GMNN: variants seen among roughly 807,000 people sequenced by gnomAD.
The protein encoded by GMNN is geminin DNA replication inhibitor, also known as geminin.
A neutral mutation model predicts 20.9 loss-of-function variants in GMNN; 14 were observed. That is an observed-to-expected ratio of 0.67 (90% CI 0.44 to 1.05). The LOEUF is 1.05. GMNN is among the 50% of genes least tolerant of loss of function. The probability of loss-of-function intolerance (pLI) is 0.00; values close to 1 mark genes in which losing one functional copy is unlikely to be tolerated. For missense variants in GMNN, 227 were observed against 243.8 expected (o/e 0.93, Z 0.46); for synonymous variants, 81 against 85.8 (o/e 0.94, Z 0.31).
At chr6:24,778,364 G>T (rs1222018190) in intron 2 of GMNN, among the ~76,000 whole-genome samples, 5 of 152,110 alleles carry the variant, frequency 3.3e-5, no homozygotes, top group Admixed American at 1.3e-4. Flanking sequence ...AGCTGGGTGT[G>T]GTGGCACCCA....
intron 2 of GMNN, among the ~76,000 whole-genome samples, chr6:24,778,415 A>G (rs1780129333): frequency 6.6e-6 from 1 of 152,202 alleles, no homozygotes. Context: ...TGTGGGAGGA[A>G]TTGCTTGAGC....
intron 4 of GMNN, among the ~76,000 whole-genome samples, chr6:24,782,366 G>T: frequency 6.6e-6 from 1 of 152,124 alleles, no homozygotes; most frequent in East Asian, 1.9e-4. Flanking sequence ...AGAAGAAGAA[G>T]CAACTGATGT....
chr6:24,784,683 T>G lies in GMNN; in HGVS notation c.468+129T>G, dbSNP rs985544974. Reference sequence around the variant, plus strand: ...TTCCTGGATTTAAGACTTAACTTCCTTCCTAACACCATTAAGTTTGCTGGG... The same window carrying G: ...TTCCTGGATTTAAGACTTAACTTCCGTCCTAACACCATTAAGTTTGCTGGG... On this transcript the variant is annotated intron_variant, in intron 6 of 6. Coordinates refer to ENST00000230056, the MANE Select transcript of GMNN (RefSeq NM_015895.5). 9.9e-5 allele frequency: 49 copies of G among 497,146 alleles called. No individual in the cohort carries two copies. The East Asian group carries it at 1.6e-3, about 16-fold the overall frequency. 30.8% of individuals were successfully genotyped at this position (497,146 alleles called of 1,614,324 possible).
At chr6:24,781,328 GAATTTTT>G in intron 3 of GMNN, 142 bp from the exon 4 acceptor site, 3 of 439,036 alleles carry the variant, frequency 6.8e-6, no homozygotes, top group Non-Finnish European at 1.2e-5. Flanking sequence ...TGTTTTGGTA[GAATTTTT>G]AATTGTATAA....
Position 24,784,521 on chromosome 6 carries a change from A to C in GMNN, c.435A>C (p.Ala145=). The C allele has an allele frequency of 6.5e-7, 1 of 1,547,046 alleles. No homozygotes were observed. Among genetic ancestry groups the C allele is most frequent in the Non-Finnish European group, 8.9e-7 (1 of 1,119,088 alleles). ...KKENKELAEV[A]EHVQYMAELI... is the part of the protein sequence containing the mutation. The stretch of plus-strand genomic sequence containing the variant: ...AGAATAAAGAACTGGCAGAAGTAGC[A>C]GAACATGTACAGTATATGGCAGAGC... Residue 145 remains alanine, a synonymous_variant, in exon 6 of 7, where the codon GCA becomes GCC. Transcript: ENST00000230056.
intron 2 of GMNN, among the ~76,000 whole-genome samples, chr6:24,779,359 TC>T (rs1237960765): frequency 2.6e-5 from 4 of 152,170 alleles, no homozygotes; most frequent in Non-Finnish European, 4.4e-5. Context: ...TTGGAAATGG[TC>T]TTTTTTTTTG....
chr6:24,777,380 C>G, intron 2 of GMNN, 83 bp downstream of exon 2: 1 of 544,740 alleles, frequency 1.8e-6, no homozygotes, highest in East Asian at 3.3e-5. Flanking sequence ...CAAATTTAGC[C>G]TGGCTATAAT....
At position 24,774,984 on chromosome 6, in the gene GMNN, G is replaced by C. The variant is rs796221752; in HGVS notation, c.-286G>C. Reference sequence around the variant, plus strand: ...CGGAGCGGGCGAGCGGAGTTAGCAGGGCTTTACTGCAGAGCGCGCCGGGCA... The same window carrying C: ...CGGAGCGGGCGAGCGGAGTTAGCAGCGCTTTACTGCAGAGCGCGCCGGGCA... On this transcript the variant is annotated 5_prime_UTR_variant, in exon 1 of 7. Transcript: ENST00000230056. 6.0e-4 allele frequency: 92 copies of C among 152,470 alleles called. No individual in the cohort carries two copies. The highest frequency in any genetic ancestry group is 2.1e-3 in the African/African-American group (87 of 41,590). The allele number at this position is 152,470 out of a possible 1,614,324, so 9.4% of individuals were successfully genotyped here.
chr6:24,776,677 A>G (rs979520228), intron 1 of GMNN, among the ~76,000 whole-genome samples: 13 of 152,190 alleles, frequency 8.5e-5, no homozygotes, highest in Admixed American at 2.6e-4. Context: ...AGTCAACCGC[A>G]TTACATAGAT....
chr6:24,781,752 A>G (rs1780227854), intron 4 of GMNN, 131 bp downstream of exon 4: 2 of 451,884 alleles, frequency 4.4e-6, no homozygotes, highest in African/African-American at 2.0e-5. Context: ...ATGTTTTTGT[A>G]TGTGACCATT....
chr6:24,780,629 AG>A (rs1440970675), intron 2 of GMNN, 33 bp from the exon 3 acceptor site: 1 of 1,170,098 alleles, frequency 8.5e-7, no homozygotes, highest in East Asian at 2.4e-5. Context: ...ATTGCAACTC[AG>A]TAACAAGATA....
intron 2 of GMNN, among the ~76,000 whole-genome samples, chr6:24,778,405 T>A (rs1780129230): frequency 6.6e-6 from 1 of 152,022 alleles, no homozygotes; most frequent in African/African-American, 2.4e-5. Context: ...GAGGCTGAGG[T>A]GTGGGAGGAA....
chr6:24,779,526 A>G (rs1327687458), intron 2 of GMNN, among the ~76,000 whole-genome samples: 2 of 152,298 alleles, frequency 1.3e-5, no homozygotes, highest in East Asian at 3.9e-4. Context: ...TGTTGATGTA[A>G]TATTTGTCCT....
At chr6:24,778,690 T>C (rs1293841995) in intron 2 of GMNN, among the ~76,000 whole-genome samples, 1 of 152,186 alleles carries the variant, frequency 6.6e-6, no homozygotes, top group Admixed American at 6.5e-5. Flanking sequence ...TTGATTCCAT[T>C]AGCTTCCATT....
intron 3 of GMNN, 93 bp downstream of exon 3, chr6:24,780,833 G>T: frequency 1.5e-6 from 1 of 672,564 alleles, no homozygotes; most frequent in East Asian, 2.6e-5. Flanking sequence ...CACGTAAATT[G>T]TTGAAATTTG....
At chr6:24,776,308 G>A (rs1316829140) in intron 1 of GMNN, among the ~76,000 whole-genome samples, 2 of 152,118 alleles carry the variant, frequency 1.3e-5, no homozygotes, top group Non-Finnish European at 2.9e-5. Flanking sequence ...ATATTGGCCA[G>A]GCTGGTTTCG....
chr6:24,777,317 T>A lies in GMNN; in HGVS notation c.51+20T>A. 1.0e-6 allele frequency: 1 copy of A among 987,658 alleles called. No homozygotes were observed. Among genetic ancestry groups the A allele is most frequent in the Non-Finnish European group, 1.5e-6 (1 of 662,128 alleles). 61.2% of individuals were successfully genotyped at this position (987,658 alleles called of 1,614,324 possible). A position where few individuals can be genotyped will look rare whatever the true frequency, so the allele number is the denominator to read the frequency against. ...ATAAAGGTATGTGATTGAATAACTT[T>A]AATTTTTTTTTGTAGAAAGCATGGG... On this transcript the variant is annotated intron_variant, in intron 2 of 6. Transcript: ENST00000230056.
chr6:24,785,789 C>T lies in GMNN; in HGVS notation c.620C>T (p.Pro207Leu). The T allele has an allele frequency of 6.4e-7, 1 of 1,571,170 alleles. No individual in the cohort carries two copies. The highest frequency in any genetic ancestry group is 1.9e-5 in the Admixed American group (1 of 51,690). The change falls in exon 7 of 7, where the codon CCA becomes CTA. Residue 207 changes from proline to leucine, a missense_variant. By Grantham distance (98) the Pro-to-Leu change is moderately conservative. Coordinates refer to ENST00000230056, the MANE Select transcript of GMNN (RefSeq NM_015895.5). ...GTVSSSTDAK[P>L]CI ...GTATCTTCCTCTACGGATGCAAAGC[C>T]ATGTATATGAAATGCATTAATATTT...
chr6:24,780,720 C>T lies in GMNN; in HGVS notation c.109C>T (p.Leu37Phe). 3 of 1,583,178 alleles carry T rather than the reference C, an allele frequency of 1.9e-6. No homozygotes were observed. Among genetic ancestry groups the T allele is most frequent in the Non-Finnish European group, 1.7e-6 (2 of 1,151,866 alleles). ...GATTCAGCCTTCTGCATCTGGATCT[C>T]TTGTTGGAAGAGAAAATGAGGTATG... is the stretch of plus-strand genomic sequence containing the variant. ...KMIQPSASGSLVGRENELSAG... is the reference protein window; with the variant it reads ...KMIQPSASGSFVGRENELSAG... The change falls in exon 3 of 7, where the codon CTT becomes TTT. Residue 37 changes from leucine to phenylalanine, a missense_variant. Transcript: ENST00000230056.
Sources: allele counts gnomAD v4.1 joint callset (sites outside exome capture counted in the v4.1 genomes callset), GRCh38; gene constraint gnomAD v4.1.1; transcripts MANE v1.5; gene names NCBI Gene and HGNC (gene_info 2026-07-23, HGNC 2026-07-21).